ANKDD1A: variants seen among roughly 807,000 people sequenced by gnomAD.
ANKDD1A encodes the protein ankyrin repeat and death domain containing 1A, also known as ankyrin repeat and death domain-containing protein 1A.
A neutral mutation model predicts 63.5 loss-of-function variants in ANKDD1A; 59 were observed. That is an observed-to-expected ratio of 0.93 (90% CI 0.75 to 1.15). ANKDD1A has a LOEUF of 1.15. Ranked by LOEUF, ANKDD1A falls within the 50% of genes most tolerant of loss-of-function variation. ANKDD1A has a pLI of 0.00. For missense variants in ANKDD1A, 632 were observed against 656.4 expected (o/e 0.96, Z 0.41); for synonymous variants, 266 against 263.9 (o/e 1.01, Z -0.08).
At position 64,947,724 on chromosome 15, in the gene ANKDD1A, C is replaced by A. The variant is rs575543178; in HGVS notation, c.1351+131C>A. 15 of 1,103,796 alleles carry A rather than the reference C, an allele frequency of 1.4e-5. No homozygotes were observed. The African/African-American group carries it at 2.0e-4, about 15-fold the overall frequency. The allele number at this position is 1,103,796 out of a possible 1,614,324, so 68.4% of individuals were successfully genotyped here. ...CACAGCCTGGTCCCACACTGTCCAACACACCTGGTGCTCTGTCCCTCCTCC... is the reference window on the plus strand; with the variant it reads ...CACAGCCTGGTCCCACACTGTCCAAAACACCTGGTGCTCTGTCCCTCCTCC... On this transcript the variant is annotated intron_variant, in intron 13 of 14. Transcript: ENST00000319580.
intron 14 of ANKDD1A, among the ~76,000 whole-genome samples, chr15:64,956,137 G>C (rs1483120453): frequency 1.3e-5 from 2 of 151,846 alleles, no homozygotes; most frequent in Non-Finnish European, 2.9e-5. Context: ...TAAACCGAAG[G>C]AAATTGGTTC....
intron 14 of ANKDD1A, chr15:64,950,728 C>CGGGG: frequency 3.8e-5 from 17 of 449,730 alleles, no homozygotes; most frequent in African/African-American, 7.7e-5. Flanking sequence ...AAGAAAGGAC[C>CGGGG]GCCCCCCCCC....
intron 14 of ANKDD1A, among the ~76,000 whole-genome samples, chr15:64,954,707 CT>C (rs1566919041): frequency 7.2e-4 from 82 of 113,888 alleles, no homozygotes; most frequent in South Asian, 1.4e-3. Flanking sequence ...TCTTCTCCTT[CT>C]TCTTCTCCTT....
At chr15:64,928,804 GCCCA>G in intron 6 of ANKDD1A, among the ~76,000 whole-genome samples, 1 of 152,262 alleles carries the variant, frequency 6.6e-6, no homozygotes, top group South Asian at 2.1e-4. Context: ...GCTGCCTTCT[GCCCA>G]GCTGTCCTGC....
chr15:64,956,192 C>T (rs1053481171), intron 14 of ANKDD1A, among the ~76,000 whole-genome samples: 12 of 150,376 alleles, frequency 8.0e-5, no homozygotes, highest in African/African-American at 2.7e-4. Context: ...TCCTTTCTCT[C>T]TTCACCTTTT....
intron 10 of ANKDD1A, 105 bp downstream of exon 10, chr15:64,942,670 C>CA: frequency 5.2e-5 from 26 of 496,148 alleles, no homozygotes; most frequent in Non-Finnish European, 7.4e-5. Context: ...GTTGAGGAAT[C>CA]ACTTTTTTTT....
chr15:64,951,553 T>TCTCTTTTCTTCTG (rs1555397387), intron 14 of ANKDD1A: 1 of 22,106 alleles, frequency 4.5e-5, no homozygotes, highest in Admixed American at 6.3e-4. Context: ...TTTCTTCTCT[T>TCTCTTTTCTTCTG]CTTTCTTTTT....
chr15:64,925,176 C>T (rs1392372628), intron 4 of ANKDD1A, among the ~76,000 whole-genome samples: 6 of 141,892 alleles, frequency 4.2e-5, no homozygotes, highest in Non-Finnish European at 7.5e-5. Flanking sequence ...TGCAGTGAGC[C>T]GAGATCGCAC....
chr15:64,947,467 C>A lies in ANKDD1A; in HGVS notation c.1225C>A (p.Gln409Lys), dbSNP rs900694805. ...TAAGCAGGACCATCGGCAGGAAACA[C>A]AGCAGCTCCGTTCTGTGCTGTGGCG... is the stretch of plus-strand genomic sequence containing the variant. ...SFKQDHRQET[Q>K]QLRSVLWRLA... The change falls in exon 13 of 15, where the codon CAG (glutamine) becomes AAG (lysine). Residue 409 changes from glutamine (Q) to lysine (K), a missense_variant. By Grantham distance (53) the Gln-to-Lys change is moderately conservative. Coordinates refer to ENST00000319580, the MANE Select transcript of ANKDD1A (RefSeq NM_182703.6). 1 of 1,614,032 alleles carries A rather than the reference C, an allele frequency of 6.2e-7. No individual in the cohort carries two copies. The highest frequency in any genetic ancestry group is 1.3e-5 in the African/African-American group (1 of 74,934).
At chr15:64,953,545 C>CCTTCTCCTTCTTT (rs1461094740) in intron 14 of ANKDD1A, among the ~76,000 whole-genome samples, 1 of 115,734 alleles carries the variant, frequency 8.6e-6, no homozygotes, top group African/African-American at 3.0e-5. Context: ...TCTCCTTCTT[C>CCTTCTCCTTCTTT]CTTCTCCTTC....
intron 14 of ANKDD1A, among the ~76,000 whole-genome samples, chr15:64,952,739 T>C (rs953480077): frequency 8.8e-6 from 1 of 113,616 alleles, no homozygotes; most frequent in Non-Finnish European, 1.9e-5. Context: ...TCCTTCTTCC[T>C]CCTTCTTTCC....
At chr15:64,931,846 A>C in intron 8 of ANKDD1A, 1 of 588,814 alleles carries the variant, frequency 1.7e-6, no homozygotes, top group Middle Eastern at 4.5e-4. Flanking sequence ...TACCTAACAC[A>C]GTGCCCAGGA....
intron 14 of ANKDD1A, among the ~76,000 whole-genome samples, chr15:64,952,626 G>A (rs935614558): frequency 4.2e-4 from 6 of 14,172 alleles, no homozygotes; most frequent in South Asian, 3.5e-3. Flanking sequence ...CTCCTTCTTC[G>A]TCTTTTCTTT....
chr15:64,950,335 T>C (rs2085259693), intron 14 of ANKDD1A: 1 of 985,354 alleles, frequency 1.0e-6, no homozygotes, highest in Non-Finnish European at 1.2e-6. Context: ...CATTAAGACA[T>C]AGGAGCCAAA....
At chr15:64,954,437 TCTTCTCCTTCTTCTTCTTCCC>T (rs1595861340) in intron 14 of ANKDD1A, among the ~76,000 whole-genome samples, 15 of 145,004 alleles carry the variant, frequency 1.0e-4, no homozygotes, top group East Asian at 3.9e-4. Context: ...TCGTTCGTCG[TCTTCTCCTTCTTCTTCTTCCC>T]TCTTCTCCTT....
At chr15:64,920,706 C>T (rs72737297) in intron 3 of ANKDD1A, among the ~76,000 whole-genome samples, 2,668 of 152,146 alleles carry the variant, frequency 0.018, 43 homozygotes, top group South Asian at 0.026. Context: ...CACGTACCAC[C>T]ATGCCCAGCC....
At chr15:64,943,958 C>T (rs1441388755) in intron 11 of ANKDD1A, among the ~76,000 whole-genome samples, 5 of 152,220 alleles carry the variant, frequency 3.3e-5, no homozygotes, top group Non-Finnish European at 7.3e-5. Context: ...CTTCCCAGCT[C>T]ATTAGCACAG....
At chr15:64,953,628 T>TTAGTTCTTCTTCTTCTTCCTTCTTTC (rs149400321) in intron 14 of ANKDD1A, among the ~76,000 whole-genome samples, 53 of 125,754 alleles carry the variant, frequency 4.2e-4, no homozygotes, top group South Asian at 8.6e-4. Flanking sequence ...CTTCTTCTTC[T>TTAGTTCTTCTTCTTCTTCCTTCTTTC]TCCTTCTTCT....
chr15:64,956,054 G>A (rs1334745094), intron 14 of ANKDD1A, among the ~76,000 whole-genome samples: 1 of 152,110 alleles, frequency 6.6e-6, no homozygotes, highest in African/African-American at 2.4e-5. Context: ...GGATGAGAGT[G>A]CTTTCCAAGT....
Sources: gnomAD v4.1 joint callset for allele counts (sites outside exome capture counted in the v4.1 genomes callset) on GRCh38, gnomAD v4.1.1 for gene constraint, MANE v1.5 for transcripts, NCBI Gene and HGNC (gene_info 2026-07-23, HGNC 2026-07-21) for gene names.